PRKAG2: variants seen among roughly 807,000 people sequenced by gnomAD.
The protein encoded by PRKAG2 is protein kinase AMP-activated non-catalytic subunit gamma 2.
In PRKAG2, 26 loss-of-function variants were observed where a neutral mutation model predicts 69.6. The observed-to-expected ratio is 0.37, with a 90% CI of 0.27 to 0.52. The LOEUF (loss-of-function observed/expected upper bound fraction) is 0.52. Ranked by LOEUF, PRKAG2 falls within the 20% of genes least tolerant of loss-of-function variation. The pLI, the probability that PRKAG2 is intolerant of heterozygous loss-of-function variation, is 0.90. For missense variants in PRKAG2, 557 were observed against 740.0 expected, an observed-to-expected ratio of 0.75 and a Z score of 2.87; for synonymous variants, 293 against 285.0, an observed-to-expected ratio of 1.03 and a Z score of -0.28.
At chr7:151,853,543 G>A (rs2079630079) in intron 1 of PRKAG2, among the ~76,000 whole-genome samples, 2 of 152,116 alleles carry the variant, frequency 1.3e-5, no homozygotes, top group African/African-American at 4.8e-5. Flanking sequence ...TGGATCACGA[G>A]GTCAGGAGAT....
At chr7:151,726,445 C>A (rs2536068) in intron 3 of PRKAG2, among the ~76,000 whole-genome samples, 2 of 151,560 alleles carry the variant, frequency 1.3e-5, no homozygotes, top group Non-Finnish European at 2.9e-5. Flanking sequence ...ACTATGGCTG[C>A]GTGCGTACCC....
At position 151,777,364 on chromosome 7, in the gene PRKAG2, C is replaced by T. The variant is rs557210689; in HGVS notation, c.466+3788G>A. Among the ~76,000 whole-genome samples, 16 of 152,310 alleles carry T rather than the reference C, an allele frequency of 1.1e-4. No homozygotes were observed. The highest frequency in any genetic ancestry group is 4.1e-4 in the South Asian group (2 of 4,828). On this transcript the variant is annotated intron_variant, in intron 3 of 15. Transcript: ENST00000287878. This position sits in a 1 kb window ranked among gnomAD's most constrained non-coding sequence, Gnocchi z 4.3. ...TGATAGAGGTTGAGTGTTTCTTCCC[C>T]GCTCTCAGGTTGAAATTGGATCCCC...
At chr7:151,571,594 G>A (rs146141986) in intron 9 of PRKAG2, among the ~76,000 whole-genome samples, 105 of 152,254 alleles carry the variant, frequency 6.9e-4, no homozygotes, top group Non-Finnish European at 1.1e-3. Context: ...ATGTCAAAAC[G>A]TAAACATACT....
At chr7:151,841,835 TGGTA>T (rs925930244) in intron 1 of PRKAG2, among the ~76,000 whole-genome samples, 20 of 147,718 alleles carry the variant, frequency 1.4e-4, no homozygotes, top group Non-Finnish European at 2.1e-4. Context: ...ATGGTAGTGA[TGGTA>T]GGTAGTGATG....
At chr7:151,701,743 T>C (rs1280529476) in intron 3 of PRKAG2, among the ~76,000 whole-genome samples, 2 of 150,448 alleles carry the variant, frequency 1.3e-5, no homozygotes, top group African/African-American at 4.9e-5. Flanking sequence ...CTCGGGAGGC[T>C]GAGGCAGGAG....
chr7:151,804,517 G>T (rs996023938), intron 1 of PRKAG2, among the ~76,000 whole-genome samples: 1 of 152,050 alleles, frequency 6.6e-6, no homozygotes, highest in Non-Finnish European at 1.5e-5. Context: ...TGACATGTGG[G>T]AATTACAATT....
At chr7:151,822,557 T>C (rs775803395) in intron 1 of PRKAG2, among the ~76,000 whole-genome samples, 6 of 152,030 alleles carry the variant, frequency 3.9e-5, no homozygotes, top group Non-Finnish European at 8.8e-5. Context: ...GCTGAGACTG[T>C]GAAAAGCCAA....
chr7:151,570,310 C>T (rs907294683), intron 9 of PRKAG2, 85 bp from the exon 10 acceptor site: 61 of 1,434,942 alleles, frequency 4.3e-5, no homozygotes, highest in Middle Eastern at 1.9e-4. Flanking sequence ...CTTCAGTTTA[C>T]GGTTAATAGT....
At chr7:151,657,147 A>G (rs113108636) in intron 4 of PRKAG2, among the ~76,000 whole-genome samples, 3,045 of 129,982 alleles carry the variant, frequency 0.023, 78 homozygotes, top group African/African-American at 0.069. Context: ...AAAAAAAAAA[A>G]GGGGGGGTGG....
chr7:151,627,037 A>G (rs1425787141), intron 5 of PRKAG2, among the ~76,000 whole-genome samples: 3 of 152,088 alleles, frequency 2.0e-5, no homozygotes, highest in African/African-American at 7.3e-5. Flanking sequence ...GTAAAGAGTG[A>G]TTATTGGTTG....
Position 151,699,224 on chromosome 7 carries a change from G to A in PRKAG2, c.467-23587C>T, listed in dbSNP as rs116393871. Among the ~76,000 whole-genome samples, 4,274 of 152,308 alleles carry A rather than the reference G, an allele frequency of 0.028. 234 individuals carry two copies. Among genetic ancestry groups the A allele is most frequent in the African/African-American group, 0.097 (4,047 of 41,552 alleles). On this transcript the variant is annotated intron_variant, in intron 3 of 15. Transcript: ENST00000287878. The surrounding 1 kb of genome is among the most constrained non-coding windows in gnomAD (Gnocchi z 4.5). The stretch of plus-strand genomic sequence containing the variant: ...TGAAAGCTAAACTGCACTGTAGTTG[G>A]AGACTCTTGAGAAACCGAATGAACA...
chr7:151,726,231 C>T (rs879826189), intron 3 of PRKAG2, among the ~76,000 whole-genome samples: 2 of 152,106 alleles, frequency 1.3e-5, no homozygotes, highest in Non-Finnish European at 1.5e-5. Context: ...TGCTGAGCCT[C>T]AACTACCAGG....
chr7:151,716,204 C>T (rs1341664540), intron 3 of PRKAG2, among the ~76,000 whole-genome samples: 1 of 152,154 alleles, frequency 6.6e-6, no homozygotes, highest in Non-Finnish European at 1.5e-5. Context: ...GATGTCAGCC[C>T]CATGGGTCAG....
intron 3 of PRKAG2, among the ~76,000 whole-genome samples, chr7:151,739,548 C>T (rs1351786182): frequency 6.6e-6 from 1 of 152,102 alleles, no homozygotes; most frequent in African/African-American, 2.4e-5. Flanking sequence ...CAGCTCACTG[C>T]AGCCTCCGCC....
At chr7:151,731,859 ACAGTGTCTCACTCTGT>A (rs1457216640) in intron 3 of PRKAG2, among the ~76,000 whole-genome samples, 1 of 152,182 alleles carries the variant, frequency 6.6e-6, no homozygotes, top group Non-Finnish European at 1.5e-5. Flanking sequence ...GTCTTTTGAG[ACAGTGTCTCACTCTGT>A]CTCCCAGGCT....
intron 1 of PRKAG2, among the ~76,000 whole-genome samples, chr7:151,826,967 C>G (rs1586676545): frequency 1.3e-5 from 2 of 152,200 alleles, no homozygotes; most frequent in Non-Finnish European, 2.9e-5. Flanking sequence ...CACCTTTCTA[C>G]AAGCCAGTGA....
rs2078597675 is a variant in PRKAG2 at position 151,814,961 on chromosome 7, G to C, written c.115-28420C>G. Reference sequence around the variant, plus strand: ...AGGATGGAGGGAGGCAGGAGCAGAGGCCGATGATGCAGCAGTGGACAGCTC... The same window carrying C: ...AGGATGGAGGGAGGCAGGAGCAGAGCCCGATGATGCAGCAGTGGACAGCTC... On this transcript the variant is annotated intron_variant, in intron 1 of 15. Coordinates refer to ENST00000287878, the MANE Select transcript of PRKAG2 (RefSeq NM_016203.4). The surrounding 1 kb of genome is among the most constrained non-coding windows in gnomAD (Gnocchi z 4.8). 1 of 940,884 alleles carries C rather than the reference G, an allele frequency of 1.1e-6. No individual in the cohort carries two copies. Among genetic ancestry groups the C allele is most frequent in the African/African-American group, 1.7e-5 (1 of 58,812 alleles). The allele number at this position is 940,884 out of a possible 1,614,324, so 58.3% of individuals were successfully genotyped here.
chr7:151,817,801 C>T (rs530223978), intron 1 of PRKAG2, among the ~76,000 whole-genome samples: 6 of 152,326 alleles, frequency 3.9e-5, no homozygotes, highest in African/African-American at 7.2e-5. Context: ...GGTTACAGAA[C>T]ACACAAGCTG....
At chr7:151,624,819 G>A (rs1053955087) in intron 5 of PRKAG2, among the ~76,000 whole-genome samples, 1 of 152,070 alleles carries the variant, frequency 6.6e-6, no homozygotes, top group African/African-American at 2.4e-5. Flanking sequence ...TTTGATTAGC[G>A]CACCATCAAC....
Sources: gnomAD v4.1 joint callset for allele counts (sites outside exome capture counted in the v4.1 genomes callset) on GRCh38, gnomAD v4.1.1 for gene constraint, Gnocchi (gnomAD v3.1) non-coding constraint, MANE v1.5 for transcripts, NCBI Gene and HGNC (gene_info 2026-07-23, HGNC 2026-07-21) for gene names.